BMAL1: variants seen among roughly 807,000 people sequenced by gnomAD.
BMAL1 encodes the protein basic helix-loop-helix ARNT-like protein 1.
chr11:13,328,450 T>C, the BMAL1 span, among the ~76,000 whole-genome samples: 1 of 152,306 alleles, frequency 6.6e-6, no homozygotes, highest in Non-Finnish European at 1.5e-5. Context: ...CTTTGGAACA[T>C]TTCCAGTGAA....
chr11:13,287,537 T>TA, the BMAL1 span, among the ~76,000 whole-genome samples: 1 of 152,242 alleles, frequency 6.6e-6, no homozygotes, highest in Non-Finnish European at 1.5e-5. Flanking sequence ...TAAATACTTG[T>TA]TTATTCCTTC....
At chr11:13,362,564 A>G in the BMAL1 span, among the ~76,000 whole-genome samples, 3 of 152,166 alleles carry the variant, frequency 2.0e-5, no homozygotes, top group African/African-American at 7.2e-5. Flanking sequence ...GGAACATCCA[A>G]ATCAATGATA....
chr11:13,318,544 G>GTT, the BMAL1 span, among the ~76,000 whole-genome samples: 22 of 49,340 alleles, frequency 4.5e-4, 1 homozygote, highest in African/African-American at 1.1e-3. Flanking sequence ...AAGACACTTA[G>GTT]TTTTTTTTTT....
At chr11:13,345,486 TC>T in the BMAL1 span, among the ~76,000 whole-genome samples, 1 of 152,250 alleles carries the variant, frequency 6.6e-6, no homozygotes, top group Non-Finnish European at 1.5e-5. Context: ...ACCCAGGACT[TC>T]TTTTTCTTAT....
chr11:13,303,800 A>G, the BMAL1 span, among the ~76,000 whole-genome samples: 13 of 152,182 alleles, frequency 8.5e-5, no homozygotes, highest in South Asian at 2.1e-4. Flanking sequence ...ATTCAGTCAC[A>G]TGTTCACTCC....
chr11:13,366,671 C>A, the BMAL1 span: 2 of 1,613,192 alleles, frequency 1.2e-6, no homozygotes, highest in South Asian at 1.1e-5. Flanking sequence ...CCAGAATGAT[C>A]TGATTGGTCA....
At chr11:13,305,798 T>TTG in the BMAL1 span, among the ~76,000 whole-genome samples, 5 of 151,840 alleles carry the variant, frequency 3.3e-5, no homozygotes, top group East Asian at 3.9e-4. Flanking sequence ...TTTTGTGTGT[T>TTG]TGTGTGTGTG....
At chr11:13,294,214 G>A in the BMAL1 span, among the ~76,000 whole-genome samples, 76 of 152,164 alleles carry the variant, frequency 5.0e-4, no homozygotes, top group African/African-American at 1.4e-3. Context: ...GGAACTCTGC[G>A]GAGTGTTTTT....
At chr11:13,368,652 C>T in the BMAL1 span, among the ~76,000 whole-genome samples, 171 of 152,248 alleles carry the variant, frequency 1.1e-3, no homozygotes, top group East Asian at 5.6e-3. Context: ...TGTTTTCCCT[C>T]GGCTTCTGTA....
At chr11:13,366,557 C>T in the BMAL1 span, 1 of 997,602 alleles carries the variant, frequency 1.0e-6, no homozygotes, top group Non-Finnish European at 1.5e-6. Flanking sequence ...TTTGAGGTCT[C>T]ATGCACAAAA....
At chr11:13,284,122 GTGTGTGTATATA>G in the BMAL1 span, among the ~76,000 whole-genome samples, 553 of 81,254 alleles carry the variant, frequency 6.8e-3, 24 homozygotes, top group Non-Finnish European at 8.4e-3. Context: ...ATATATATGT[GTGTGTGTATATA>G]TATATATATG....
the BMAL1 span, among the ~76,000 whole-genome samples, chr11:13,347,184 G>C: frequency 1.3e-5 from 2 of 152,024 alleles, no homozygotes; most frequent in Non-Finnish European, 2.9e-5. Flanking sequence ...CTTGAGTCCA[G>C]GAGTCTGGGC....
the BMAL1 span, chr11:13,376,700 C>T: frequency 1.2e-6 from 2 of 1,614,042 alleles, no homozygotes; most frequent in Non-Finnish European, 1.7e-6. Flanking sequence ...CCCCCCACAG[C>T]ATGGACAGCA....
chr11:13,355,078 T>C, the BMAL1 span: 10 of 613,790 alleles, frequency 1.6e-5, no homozygotes, highest in East Asian at 2.9e-4. Context: ...AATAAGGCAG[T>C]GTAGAATATT....
the BMAL1 span, chr11:13,379,856 C>A: frequency 6.6e-6 from 1 of 152,196 alleles, no homozygotes; most frequent in African/African-American, 2.4e-5. Context: ...TTAAGAAACA[C>A]AAGAAATGAT....
chr11:13,357,170 C>G, the BMAL1 span: 1 of 1,585,866 alleles, frequency 6.3e-7, no homozygotes, highest in Non-Finnish European at 8.6e-7. The surrounding 1 kb of genome is among the most constrained non-coding windows in gnomAD (Gnocchi z 4.8). Flanking sequence ...GGAGGCTCTG[C>G]ATGTTTGGTC....
At chr11:13,381,225 C>G in the BMAL1 span, 1 of 1,614,150 alleles carries the variant, frequency 6.2e-7, no homozygotes, top group Non-Finnish European at 8.5e-7. Context: ...TACGCCTCCC[C>G]CTGATGCCTC....
the BMAL1 span, among the ~76,000 whole-genome samples, chr11:13,313,222 C>T: frequency 1.3e-5 from 2 of 152,208 alleles, no homozygotes; most frequent in Non-Finnish European, 2.9e-5. Flanking sequence ...CCCGGTTCTC[C>T]TCCAGCTGCT....
the BMAL1 span, among the ~76,000 whole-genome samples, chr11:13,295,154 G>A: frequency 6.6e-6 from 1 of 152,188 alleles, no homozygotes; most frequent in African/African-American, 2.4e-5. Flanking sequence ...AGTGGCTCTT[G>A]AAGATGGCTG....
Sources: allele counts gnomAD v4.1 joint callset (sites outside exome capture counted in the v4.1 genomes callset), GRCh38; gene constraint gnomAD v4.1.1; non-coding constraint Gnocchi (gnomAD v3.1); transcripts MANE v1.5; gene names NCBI Gene and HGNC (gene_info 2026-07-23, HGNC 2026-07-21).